Variants in WWP1 observed in about 807,000 individuals in gnomAD.
WWP1 encodes the protein NEDD4-like E3 ubiquitin-protein ligase WWP1.
Under a neutral mutation model 130.6 loss-of-function variants are expected in WWP1, and 49 were observed. The ratio of observed to expected loss-of-function variants is 0.38; its 90% CI spans 0.30 to 0.48. WWP1 has a LOEUF of 0.48. WWP1 is among the 20% of genes least tolerant of loss of function. The pLI, the probability that WWP1 is intolerant of heterozygous loss-of-function variation, is 0.99. For synonymous variants in WWP1, 332 were observed against 367.8 expected, an observed-to-expected ratio of 0.90 and a Z score of 1.11; for missense variants, 809 against 1,100.6, an observed-to-expected ratio of 0.74 and a Z score of 3.75.
intron 3 of WWP1, among the ~76,000 whole-genome samples, chr8:86,376,765 C>T (rs1015716376): frequency 3.3e-5 from 5 of 152,148 alleles, no homozygotes; most frequent in African/African-American, 1.2e-4. Flanking sequence ...AGTTGCTGCT[C>T]TCCTTTGAAA....
chr8:86,466,834 C>A lies in WWP1; in HGVS notation c.2710C>A (p.Gln904Lys), dbSNP rs1812198811. The A allele has an allele frequency of 1.2e-6, 2 of 1,605,046 alleles. No individual in the cohort carries two copies. The highest frequency in any genetic ancestry group is 1.7e-6 in the Non-Finnish European group (2 of 1,177,718). The change falls in exon 25 of 25, where the codon CAA (glutamine) becomes AAA (lysine). Residue 904 changes from glutamine (Q) to lysine (K), a missense_variant. Coordinates refer to ENST00000517970, the MANE Select transcript of WWP1 (RefSeq NM_007013.4). ...LDLPPYKSYE[Q>K]LKEKLLFAIE... ...TCTACCACCATATAAGAGTTATGAACAACTAAAGGAAAAACTTCTTTTTGC... is the reference window on the plus strand; with the variant it reads ...TCTACCACCATATAAGAGTTATGAAAAACTAAAGGAAAAACTTCTTTTTGC...
In WWP1 at chr8:86,381,405, TA is replaced by T. The variant is rs1824978613; in HGVS notation, c.210-96del. The stretch of plus-strand genomic sequence containing the variant: ...TCAAATAAATGAAATTCACGGTTTT[TA>T]AAACATTACTGAAATAAATGCTTTA... On this transcript the variant is annotated intron_variant, in intron 4 of 24. Coordinates refer to ENST00000517970, the MANE Select transcript of WWP1 (RefSeq NM_007013.4). 2.9e-6 allele frequency: 4 copies of T among 1,399,586 alleles called. No homozygotes were observed. The East Asian group carries it at 1.0e-4, about 36-fold the overall frequency. 86.7% of individuals were successfully genotyped at this position (1,399,586 alleles called of 1,614,324 possible).
chr8:86,412,715 TG>T (rs1180920369), intron 9 of WWP1, among the ~76,000 whole-genome samples: 1 of 150,774 alleles, frequency 6.6e-6, no homozygotes, highest in Non-Finnish European at 1.5e-5. Context: ...TTTTTGGAAT[TG>T]TTTTTTTTTT....
At chr8:86,414,227 CTGTGTG>C (rs35397366) in intron 9 of WWP1, among the ~76,000 whole-genome samples, 1 of 151,060 alleles carries the variant, frequency 6.6e-6, no homozygotes, top group Non-Finnish European at 1.5e-5. Flanking sequence ...GTTTGTTTTT[CTGTGTG>C]TGTGTGTGTG....
At chr8:86,411,218 C>T (rs1356161639) in intron 8 of WWP1, among the ~76,000 whole-genome samples, 2 of 152,186 alleles carry the variant, frequency 1.3e-5, no homozygotes, top group African/African-American at 4.8e-5. Flanking sequence ...CCCATACAGA[C>T]TTCCTCTCAG....
In WWP1 at chr8:86,369,123, C is replaced by T. The variant is rs189135008; in HGVS notation, c.-22+92C>T. Reference sequence around the variant, plus strand: ...AGTTAATTATGTAGACCTAGTAATACGTTGTCATAAAAAATATGGCTATAG... The same window carrying T: ...AGTTAATTATGTAGACCTAGTAATATGTTGTCATAAAAAATATGGCTATAG... On this transcript the variant is annotated intron_variant, in intron 2 of 24. Coordinates refer to ENST00000517970, the MANE Select transcript of WWP1 (RefSeq NM_007013.4). 1.4e-3 allele frequency: 208 copies of T among 152,176 alleles called. 2 individuals are homozygous for T. The highest frequency in any genetic ancestry group is 4.7e-3 in the African/African-American group (196 of 41,538). 9.4% of individuals were successfully genotyped at this position (152,176 alleles called of 1,614,324 possible).
rs997546855 is a variant in WWP1, at chr8:86,425,558, A to T, written c.1157+240A>T. Among the ~76,000 whole-genome samples, 2 of 152,160 alleles carry T rather than the reference A, an allele frequency of 1.3e-5. 1 individual carries two copies. Among genetic ancestry groups the T allele is most frequent in the Non-Finnish European group, 2.9e-5 (2 of 68,012 alleles). The stretch of plus-strand genomic sequence containing the variant: ...AAGTTGCAAAATTTGGTCAGTTGTC[A>T]GTCCTTCTTTGTAATTTTTTTAAGG... On this transcript the variant is annotated intron_variant, in intron 10 of 24. Coordinates refer to ENST00000517970, the MANE Select transcript of WWP1 (RefSeq NM_007013.4).
chr8:86,375,207 G>A (rs1043128955), intron 3 of WWP1, among the ~76,000 whole-genome samples: 42 of 151,870 alleles, frequency 2.8e-4, no homozygotes, highest in Non-Finnish European at 5.9e-5. Context: ...CCCCCTTTAG[G>A]ACGTATAATC....
intron 24 of WWP1, among the ~76,000 whole-genome samples, chr8:86,464,928 T>C (rs1052085292): frequency 6.6e-6 from 1 of 152,002 alleles, no homozygotes; most frequent in African/African-American, 2.4e-5. Flanking sequence ...CGCGTGTGTG[T>C]GTGTATTGAG....
Position 86,468,494 on chromosome 8 carries a change from A to G in WWP1, c.*1601A>G. The G allele has an allele frequency of 2.4e-6, 1 of 418,014 alleles. No homozygotes were observed. Among genetic ancestry groups the G allele is most frequent in the Non-Finnish European group, 4.7e-6 (1 of 214,316 alleles). 25.9% of individuals were successfully genotyped at this position (418,014 alleles called of 1,614,324 possible). On this transcript the variant is annotated 3_prime_UTR_variant, in exon 25 of 25. Transcript: ENST00000517970. ...GATAGAGGGAAACTGGCCTTCAAAAAGGACTGCGTATACCATAAAAGAGTT... is the reference window on the plus strand; with the variant it reads ...GATAGAGGGAAACTGGCCTTCAAAAGGGACTGCGTATACCATAAAAGAGTT...
chr8:86,372,018 T>A (rs1026160271), intron 2 of WWP1, among the ~76,000 whole-genome samples: 1 of 17,098 alleles, frequency 5.8e-5, no homozygotes, highest in Admixed American at 2.9e-4. Context: ...AATTTTTGTA[T>A]TTTTTTTTTT....
Position 86,342,689 on chromosome 8 carries a change from C to G in WWP1, c.-356C>G. ...CCGAGGAAGGGAGGTGTGGGGTCGG[C>G]TGGGGGTGGCGCGTGGACGGGGTGG... On this transcript the variant is annotated 5_prime_UTR_variant, in exon 1 of 25. Transcript: ENST00000517970. 5.2e-6 allele frequency: 1 copy of G among 192,988 alleles called. No individual in the cohort carries two copies. 12.0% of individuals were successfully genotyped at this position (192,988 alleles called of 1,614,324 possible).
intron 11 of WWP1, 135 bp from the exon 12 acceptor site, chr8:86,430,562 C>G: frequency 1.9e-6 from 1 of 525,278 alleles, no homozygotes; most frequent in South Asian, 4.1e-5. Context: ...CAGGCATGAG[C>G]CACTGCGCCC....
chr8:86,404,981 G>A (rs1473240221), intron 8 of WWP1: 1 of 152,188 alleles, frequency 6.6e-6, no homozygotes, highest in Non-Finnish European at 1.5e-5. Flanking sequence ...TATTGCTAGT[G>A]ACATCTGACA....
intron 12 of WWP1, 128 bp downstream of exon 12, chr8:86,430,879 C>T: frequency 4.2e-6 from 1 of 237,094 alleles, no homozygotes; most frequent in Non-Finnish European, 7.5e-6. Flanking sequence ...TGTCCCTTAA[C>T]ATATATATAT....
At position 86,411,823 on chromosome 8, in the gene WWP1, A is replaced by G. The variant is rs765437497; in HGVS notation, c.1010A>G (p.Asp337Gly). ...TCAAGACAGCCAGATGGGTGTATGGATCCTGTACGGCAGCAGTCTGGGAAT... is the reference window on the plus strand; with the variant it reads ...TCAAGACAGCCAGATGGGTGTATGGGTCCTGTACGGCAGCAGTCTGGGAAT... ...AKSRQPDGCM[D>G]PVRQQSGNAN... Residue 337 changes from aspartate to glycine, a missense_variant, in exon 9 of 25, where the codon GAT (aspartate) becomes GGT (glycine). Around this residue, in one of 3 missense-constraint regions of WWP1, gnomAD observed 97 missense variants for 80.4 expected, o/e 1.21. Coordinates refer to ENST00000517970, the MANE Select transcript of WWP1 (RefSeq NM_007013.4). 6.2e-7 allele frequency: 1 copy of G among 1,613,924 alleles called. No homozygotes were observed. Among genetic ancestry groups the G allele is most frequent in the South Asian group, 1.1e-5 (1 of 91,070 alleles).
At chr8:86,442,384 A>T (rs578046214) in intron 17 of WWP1, 1 of 293,952 alleles carries the variant, frequency 3.4e-6, no homozygotes, top group East Asian at 5.5e-5. Flanking sequence ...ACAAATAAGC[A>T]TGTTATATCT....
chr8:86,347,231 C>G (rs1246778578), intron 1 of WWP1, among the ~76,000 whole-genome samples: 5 of 152,146 alleles, frequency 3.3e-5, no homozygotes, highest in Admixed American at 3.3e-4. Context: ...CGTGGCCCTC[C>G]CACCATGGCC....
At position 86,398,563 on chromosome 8, in the gene WWP1, G is replaced by C. The variant is rs1275194310; in HGVS notation, c.473-9G>C. 13 of 1,612,040 alleles carry C rather than the reference G, an allele frequency of 8.1e-6. No individual in the cohort carries two copies. In the East Asian group the frequency reaches 8.9e-5, roughly 11 times the overall value. ...TAAAAACCTAGTTTTTTTCTTTCTT[G>C]TTGTTCAGTAGAAATACAGGAAAAT... On this transcript the variant is annotated splice_polypyrimidine_tract_variant and intron_variant, in intron 6 of 24. Coordinates refer to ENST00000517970, the MANE Select transcript of WWP1 (RefSeq NM_007013.4).
Sources: gnomAD v4.1 joint callset for allele counts (sites outside exome capture counted in the v4.1 genomes callset) on GRCh38, gnomAD v4.1.1 for gene constraint, gnomAD v4.1.1 regional missense constraint, MANE v1.5 for transcripts, NCBI Gene and HGNC (gene_info 2026-07-23, HGNC 2026-07-21) for gene names.